ABCA7: variants seen among roughly 807,000 people sequenced by gnomAD.
ABCA7 encodes the protein ATP binding cassette subfamily A member 7.
Under a neutral mutation model 227.6 loss-of-function variants are expected in ABCA7, and 261 were observed. The observed-to-expected ratio is 1.15, with a 90% CI of 1.04 to 1.27. The LOEUF (loss-of-function observed/expected upper bound fraction) is 1.27. ABCA7 is among the 50% of genes most tolerant of loss of function. The probability of loss-of-function intolerance (pLI) is 0.00; values close to 1 mark genes in which losing one functional copy is unlikely to be tolerated. For missense variants in ABCA7, 3,331 were observed against 2,924.5 expected, an observed-to-expected ratio of 1.14 and a Z score of -3.21; for synonymous variants, 1,488 against 1,279.7, an observed-to-expected ratio of 1.16 and a Z score of -3.47.
chr19:1,057,036 G>T lies in ABCA7; in HGVS notation c.4716G>T (p.Gly1572=), dbSNP rs2042315240. 1 of 1,613,728 alleles carries T rather than the reference G, an allele frequency of 6.2e-7. No homozygotes were observed. The highest frequency in any genetic ancestry group is 8.5e-7 in the Non-Finnish European group (1 of 1,179,962). Reference sequence around the variant, plus strand: ...GAGCCAAGCACCTGCAGCTCATGGGGGGCCTGTCCCCCACCCTCTACTGGC... The same window carrying T: ...GAGCCAAGCACCTGCAGCTCATGGGTGGCCTGTCCCCCACCCTCTACTGGC... The part of the protein sequence containing the change: ...VTRAKHLQLM[G]GLSPTLYWLG... The change falls in exon 34 of 47, where the codon GGG becomes GGT. Residue 1572 remains glycine (G), a synonymous_variant. Coordinates refer to ENST00000263094, the MANE Select transcript of ABCA7 (RefSeq NM_019112.4).
intron 34 of ABCA7, 94 bp from the exon 35 acceptor site, chr19:1,057,220 C>A: frequency 6.4e-7 from 1 of 1,561,078 alleles, no homozygotes; most frequent in Non-Finnish European, 8.8e-7. Flanking sequence ...TGCCTTCCTA[C>A]TCAAAAAGCA....
chr19:1,043,888 G>C (rs775053639), intron 10 of ABCA7, 47 bp downstream of exon 10: 1 of 1,555,612 alleles, frequency 6.4e-7, no homozygotes, highest in Non-Finnish European at 8.9e-7. Flanking sequence ...CCGGTGAGGA[G>C]GGTAGACAGG....
In ABCA7 at chr19:1,043,191, A is replaced by G. The variant is rs2040234835; in HGVS notation, c.730A>G (p.Ser244Gly). 2 of 1,609,684 alleles carry G rather than the reference A, an allele frequency of 1.2e-6. No individual in the cohort carries two copies. The highest frequency in any genetic ancestry group is 2.7e-5 in the African/African-American group (2 of 74,900). Residue 244 changes from serine to glycine, a missense_variant, in exon 8 of 47, where the codon AGT (serine) becomes GGT (glycine). Transcript: ENST00000263094. ...VGPSLNWYEA[S>G]DLMELVGQEP... ...CCCCTCCCTCAACTGGTACGAGGCTAGTGACCTGATGGAGCTGGTGGGGCA... is the reference window on the plus strand; with the variant it reads ...CCCCTCCCTCAACTGGTACGAGGCTGGTGACCTGATGGAGCTGGTGGGGCA...
At chr19:1,045,366 C>A in intron 12 of ABCA7, 135 bp downstream of exon 12, 2 of 946,456 alleles carry the variant, frequency 2.1e-6, no homozygotes, top group Non-Finnish European at 3.1e-6. Context: ...GGTATGGTAG[C>A]CAGAGCCCGG....
At chr19:1,043,935 C>CA in intron 10 of ABCA7, 94 bp downstream of exon 10, 64 of 988,062 alleles carry the variant, frequency 6.5e-5, no homozygotes, top group Non-Finnish European at 9.2e-5. Flanking sequence ...TGCAGACCCC[C>CA]ACTTTTTTTT....
chr19:1,058,759 C>G lies in ABCA7; in HGVS notation c.5279+12C>G. The G allele has an allele frequency of 6.2e-7, 1 of 1,610,996 alleles. No individual in the cohort carries two copies. The highest frequency in any genetic ancestry group is 8.5e-7 in the Non-Finnish European group (1 of 1,178,292). On this transcript the variant is annotated intron_variant, in intron 38 of 46. Coordinates refer to ENST00000263094, the MANE Select transcript of ABCA7 (RefSeq NM_019112.4). The stretch of plus-strand genomic sequence containing the variant: ...CAACTCCTGCCACAGTTAGTGAGGT[C>G]TATGGAGAGGGTGGCAGGGGCCAAG...
Position 1,043,420 on chromosome 19 carries a change from G to T in ABCA7, c.877G>T (p.Gly293Trp). Residue 293 changes from glycine (G) to tryptophan (W), a missense_variant, in exon 9 of 47, where the codon GGG becomes TGG. Physicochemically the swap from Gly to Trp is radical, Grantham distance 184 (BLOSUM62 -2). Coordinates refer to ENST00000263094, the MANE Select transcript of ABCA7 (RefSeq NM_019112.4). Reference sequence around the variant, plus strand: ...GAGACGCCTGAAGCCTCTGATCCTCGGGAAGCTACTCTTTGCACCAGATAC... The same window carrying T: ...GAGACGCCTGAAGCCTCTGATCCTCTGGAAGCTACTCTTTGCACCAGATAC... The part of the protein sequence containing the change: ...LWRRLKPLIL[G>W]KLLFAPDTPF... 6.2e-7 allele frequency: 1 copy of T among 1,613,420 alleles called. No individual in the cohort carries two copies.
intron 10 of ABCA7, 33 bp downstream of exon 10, chr19:1,043,874 C>A: frequency 1.3e-6 from 2 of 1,597,308 alleles, no homozygotes; most frequent in Non-Finnish European, 1.7e-6. Context: ...TGGGATGTGG[C>A]TCCCCGGTGA....
At chr19:1,063,956 C>A (rs1303219455) in intron 44 of ABCA7, 93 bp downstream of exon 44, 6 of 1,433,906 alleles carry the variant, frequency 4.2e-6, no homozygotes, top group Non-Finnish European at 5.5e-6. Context: ...GATGGGGGGT[C>A]CTGGCCCTAG....
intron 44 of ABCA7, 106 bp from the exon 45 acceptor site, chr19:1,064,055 A>G (rs75707890): frequency 0.029 from 39,441 of 1,350,154 alleles, 680 homozygotes; most frequent in Non-Finnish European, 0.035. Flanking sequence ...AAGAGTGGGG[A>G]GATGTCCACA....
chr19:1,052,073 G>T lies in ABCA7; in HGVS notation c.3094G>T (p.Gly1032Cys). ...CTTCCTGCGCCGTCACCTGGGCTCCGGCTACTACCTGACGCTGGTGAAGGC... is the reference window on the plus strand; with the variant it reads ...CTTCCTGCGCCGTCACCTGGGCTCCTGCTACTACCTGACGCTGGTGAAGGC... ...PLFLRRHLGS[G>C]YYLTLVKARL... is the part of the protein sequence containing the mutation. The change falls in exon 22 of 47, where the codon GGC becomes TGC. Residue 1032 changes from glycine to cysteine, a missense_variant. Coordinates refer to ENST00000263094, the MANE Select transcript of ABCA7 (RefSeq NM_019112.4). The T allele has an allele frequency of 6.2e-7, 1 of 1,612,312 alleles. No homozygotes were observed. The highest frequency in any genetic ancestry group is 8.5e-7 in the Non-Finnish European group (1 of 1,179,884).
chr19:1,062,303 A>G lies in ABCA7; in HGVS notation c.5702A>G (p.Gln1901Arg). 6.2e-7 allele frequency: 1 copy of G among 1,604,024 alleles called. No homozygotes were observed. Among genetic ancestry groups the G allele is most frequent in the Non-Finnish European group, 8.5e-7 (1 of 1,179,450 alleles). The stretch of plus-strand genomic sequence containing the variant: ...CGCCTGCGCGGTGTCCCGGAGGCCC[A>G]GGTTGCCCAGGTGAGCCCACTTTGT... Reference protein sequence around the residue: ...LARLRGVPEAQVAQTAGSGLA... With the variant: ...LARLRGVPEARVAQTAGSGLA... The change falls in exon 42 of 47, where the codon CAG (glutamine) becomes CGG (arginine). Residue 1901 changes from glutamine to arginine, a missense_variant. Coordinates refer to ENST00000263094, the MANE Select transcript of ABCA7 (RefSeq NM_019112.4).
rs777974521 is a variant in ABCA7, at chr19:1,047,015, G to C, written c.1836G>C (p.Leu612=). Residue 612 remains leucine, a synonymous_variant, in exon 14 of 47, where the codon CTG becomes CTC. Transcript: ENST00000263094. ...PFLLSAALLV[L]VLKLGDILPY... ...TGCTCAGCGCCGCACTGCTGGTTCTGGTGCTCAAGGTGGGCGCGCCTCGGC... is the reference window on the plus strand; with the variant it reads ...TGCTCAGCGCCGCACTGCTGGTTCTCGTGCTCAAGGTGGGCGCGCCTCGGC... The C allele has an allele frequency of 1.7e-5, 26 of 1,566,448 alleles. No individual in the cohort carries two copies. In the Admixed American group the frequency reaches 2.9e-4, roughly 17 times the overall value.
rs748191742 is a variant in ABCA7 at position 1,046,863 on chromosome 19, G to A, written c.1684G>A (p.Val562Met). 10 of 1,544,784 alleles carry A rather than the reference G, an allele frequency of 6.5e-6. No individual in the cohort carries two copies. The highest frequency in any genetic ancestry group is 5.9e-5 in the South Asian group (5 of 84,412). Residue 562 changes from valine to methionine, a missense_variant, in exon 14 of 47, where the codon GTG becomes ATG. By Grantham distance (21) the Val-to-Met change is conservative. Coordinates refer to ENST00000263094, the MANE Select transcript of ABCA7 (RefSeq NM_019112.4). Reference sequence around the variant, plus strand: ...CCTGACGCTGGCCTGGATCTACTCCGTGACACTGACAGTGAAGGCCGTGGT... The same window carrying A: ...CCTGACGCTGGCCTGGATCTACTCCATGACACTGACAGTGAAGGCCGTGGT... ...LFLTLAWIYS[V>M]TLTVKAVVRE...
At chr19:1,040,367 T>C (rs1248318180) in intron 1 of ABCA7, among the ~76,000 whole-genome samples, 171 bp downstream of exon 1, 1 of 152,158 alleles carries the variant, frequency 6.6e-6, no homozygotes, top group Admixed American at 6.5e-5. Flanking sequence ...ATCGGACATC[T>C]GGGACCCTTA....
In ABCA7 at chr19:1,063,794, G is replaced by C; in HGVS notation, c.5882G>C (p.Arg1961Pro). ...EPTTGMDPSA[R>P]RFLWNSLLAV... is the part of the protein sequence containing the mutation. ...ACCACAGGCATGGACCCCAGCGCGC[G>C]GCGCTTCCTTTGGAACAGCCTTTTG... Residue 1961 changes from arginine to proline, a missense_variant, in exon 44 of 47, where the codon CGG becomes CCG. Transcript: ENST00000263094. 2 of 1,546,742 alleles carry C rather than the reference G, an allele frequency of 1.3e-6. No individual in the cohort carries two copies. The highest frequency in any genetic ancestry group is 1.7e-6 in the Non-Finnish European group (2 of 1,145,682).
rs541243324 is a variant in ABCA7, at chr19:1,041,222, C to G, written c.-137-3C>G. 3.4e-6 allele frequency: 3 copies of G among 881,308 alleles called. No individual in the cohort carries two copies. In the East Asian group the frequency reaches 7.3e-5, roughly 21 times the overall value. The allele number at this position is 881,308 out of a possible 1,614,324, so 54.6% of individuals were successfully genotyped here. ...TGACTACTGTTTGCCTCGCTCTAAT[C>G]AGAGCTTCCAGGAACCCTGCGCTGT... On this transcript the variant is annotated splice_region_variant and splice_polypyrimidine_tract_variant and intron_variant, in intron 1 of 46. Transcript: ENST00000263094.
Position 1,062,205 on chromosome 19 carries a change from C to T in ABCA7, c.5604C>T (p.Ser1868=), listed in dbSNP as rs1241843735. ...VAREPSAAHL[S]MGYCPQSDAI... The stretch of plus-strand genomic sequence containing the variant: ...GGGAACCCAGTGCTGCGCACCTCAG[C>T]ATGGGATACTGCCCTCAATCCGATG... Residue 1868 remains serine (S), a synonymous_variant, in exon 42 of 47, where the codon AGC becomes AGT. Transcript: ENST00000263094. 7 of 1,612,476 alleles carry T rather than the reference C, an allele frequency of 4.3e-6. No individual in the cohort carries two copies. Among genetic ancestry groups the T allele is most frequent in the Middle Eastern group, 1.7e-4 (1 of 6,058 alleles).
At chr19:1,055,724 A>G (rs1462914796) in intron 30 of ABCA7, among the ~76,000 whole-genome samples, 183 bp from the exon 31 acceptor site, 1 of 151,262 alleles carries the variant, frequency 6.6e-6, no homozygotes, top group Non-Finnish European at 1.5e-5. Context: ...CTGGTCTCGA[A>G]CTCCTGACCT....
Sources: allele counts gnomAD v4.1 joint callset (sites outside exome capture counted in the v4.1 genomes callset), GRCh38; gene constraint gnomAD v4.1.1; transcripts MANE v1.5; gene names NCBI Gene and HGNC (gene_info 2026-07-23, HGNC 2026-07-21).